Variants in PTPRG observed in about 807,000 individuals in gnomAD.
PTPRG encodes the protein protein tyrosine phosphatase receptor type G, also known as receptor-type tyrosine-protein phosphatase gamma.
PTPRG carries 102 observed loss-of-function variants against 165.3 expected under a neutral mutation model. The observed-to-expected ratio is 0.62, with a 90% CI of 0.53 to 0.73. The LOEUF is 0.73. Ranked by LOEUF, PTPRG falls within the 30% of genes least tolerant of loss-of-function variation. PTPRG has a pLI of 0.00. For missense variants in PTPRG, 1,866 were observed against 1,861.4 expected (o/e 1.00, Z -0.05); for synonymous variants, 675 against 669.5 (o/e 1.01, Z -0.13).
intron 1 of PTPRG, among the ~76,000 whole-genome samples, chr3:61,702,304 T>C (rs1446213616): frequency 6.6e-6 from 1 of 152,200 alleles, no homozygotes; most frequent in Non-Finnish European, 1.5e-5. Context: ...TGTGCTTTGA[T>C]GCATCCTGCT....
chr3:61,798,292 T>C (rs1046130587), intron 2 of PTPRG, among the ~76,000 whole-genome samples: 2 of 152,140 alleles, frequency 1.3e-5, no homozygotes, highest in African/African-American at 4.8e-5. Flanking sequence ...CAACTCAGCA[T>C]GTTAGGATCC....
At chr3:61,855,405 C>A (rs1266653840) in intron 2 of PTPRG, among the ~76,000 whole-genome samples, 1 of 152,144 alleles carries the variant, frequency 6.6e-6, no homozygotes, top group Non-Finnish European at 1.5e-5. Context: ...AAGATGTTCT[C>A]ATACCCCTTC....
intron 4 of PTPRG, among the ~76,000 whole-genome samples, chr3:62,018,462 A>G (rs532717217): frequency 6.6e-6 from 1 of 152,232 alleles, no homozygotes; most frequent in South Asian, 2.1e-4. Context: ...CAAATAATAG[A>G]TGATTTGTAG....
At chr3:61,752,420 G>T (rs1033813762) in intron 2 of PTPRG, among the ~76,000 whole-genome samples, 2 of 152,078 alleles carry the variant, frequency 1.3e-5, no homozygotes, top group Non-Finnish European at 2.9e-5. Context: ...CAGTAATGTT[G>T]AATATCTAGT....
intron 2 of PTPRG, among the ~76,000 whole-genome samples, chr3:61,940,499 C>G (rs2039594327): frequency 6.6e-6 from 1 of 152,030 alleles, no homozygotes; most frequent in African/African-American, 2.4e-5. Context: ...ACTGATTCCT[C>G]CTTTCTGCCC....
Position 62,217,227 on chromosome 3 carries a change from A to C in PTPRG, c.2156-1624A>C, listed in dbSNP as rs1239728508. Among the ~76,000 whole-genome samples the C allele has an allele frequency of 6.6e-6, 1 of 152,130 alleles. No homozygotes were observed. Among genetic ancestry groups the C allele is most frequent in the East Asian group, 1.9e-4 (1 of 5,190 alleles). ...GGCACAGCTAGGAAGGCACTTTATA[A>C]ATGGCAAAGTGCTCTGTGGAGGTTT... On this transcript the variant is annotated intron_variant, in intron 12 of 29. Transcript: ENST00000474889. This position sits in a 1 kb window ranked among gnomAD's most constrained non-coding sequence, Gnocchi z 4.3.
intron 2 of PTPRG, among the ~76,000 whole-genome samples, chr3:61,879,536 C>T (rs562439096): frequency 6.6e-6 from 1 of 152,200 alleles, no homozygotes; most frequent in East Asian, 1.9e-4. Context: ...AATCCAAAAA[C>T]TGAATTTTAT....
intron 2 of PTPRG, among the ~76,000 whole-genome samples, chr3:61,765,865 C>T (rs901611176): frequency 1.3e-5 from 2 of 152,126 alleles, no homozygotes; most frequent in Non-Finnish European, 2.9e-5. Flanking sequence ...CTGAATTTTC[C>T]ACAGAGCAGA....
At chr3:62,292,758 C>A (rs573885068) in intron 29 of PTPRG, 235 of 580,610 alleles carry the variant, frequency 4.0e-4, no homozygotes, top group Non-Finnish European at 5.9e-4. Flanking sequence ...GCAAACTACA[C>A]AGCACAAGAC....
chr3:61,743,223 A>T, intron 1 of PTPRG: 1 of 688,026 alleles, frequency 1.5e-6, no homozygotes, highest in Admixed American at 2.1e-5. Context: ...GACAGAGTTT[A>T]TGGAAACTCC....
chr3:61,845,654 C>A (rs147604184), intron 2 of PTPRG, among the ~76,000 whole-genome samples: 1 of 152,186 alleles, frequency 6.6e-6, no homozygotes, highest in Admixed American at 6.5e-5. Context: ...AAAGGAAGCT[C>A]TCTTTGGTTC....
intron 17 of PTPRG, among the ~76,000 whole-genome samples, chr3:62,264,599 A>G (rs766483590): frequency 3.3e-5 from 5 of 152,148 alleles, no homozygotes; most frequent in Non-Finnish European, 7.4e-5. Context: ...TTCAACACTC[A>G]TCCATGTTGT....
intron 2 of PTPRG, among the ~76,000 whole-genome samples, chr3:61,839,698 G>C (rs2036566997): frequency 1.3e-5 from 2 of 152,142 alleles, no homozygotes; most frequent in Admixed American, 6.5e-5. Context: ...TCCATATAGA[G>C]AATTTGGAAA....
At chr3:61,661,974 G>A (rs1004388497) in intron 1 of PTPRG, among the ~76,000 whole-genome samples, 12 of 151,914 alleles carry the variant, frequency 7.9e-5, no homozygotes, top group African/African-American at 1.5e-4. Flanking sequence ...ATTTATACAT[G>A]TTGGTGTAGC....
intron 3 of PTPRG, among the ~76,000 whole-genome samples, chr3:61,995,685 T>TTCCG (rs2041020643): frequency 5.2e-5 from 1 of 19,248 alleles, no homozygotes. Flanking sequence ...CCCGCCCGCC[T>TTCCG]TCCTTCCTTC....
intron 2 of PTPRG, among the ~76,000 whole-genome samples, chr3:61,759,581 C>A (rs1409488741): frequency 1.3e-5 from 2 of 152,088 alleles, no homozygotes; most frequent in African/African-American, 4.8e-5. Context: ...CGCCTGAACC[C>A]AGTCAAGGCT....
intron 1 of PTPRG, among the ~76,000 whole-genome samples, chr3:61,601,009 C>T (rs534072024): frequency 2.6e-5 from 4 of 152,236 alleles, no homozygotes; most frequent in African/African-American, 9.6e-5. Context: ...GACCCCAGCA[C>T]TCTGGGAGGT....
At chr3:62,153,136 C>A (rs1273105526) in intron 6 of PTPRG, among the ~76,000 whole-genome samples, 1 of 152,182 alleles carries the variant, frequency 6.6e-6, no homozygotes, top group African/African-American at 2.4e-5. Flanking sequence ...CACCTCTTGG[C>A]CTGCAAAGCC....
intron 4 of PTPRG, among the ~76,000 whole-genome samples, chr3:62,015,376 G>A (rs928948320): frequency 1.3e-5 from 2 of 152,184 alleles, no homozygotes; most frequent in African/African-American, 2.4e-5. Flanking sequence ...GATGGTGTGA[G>A]GTCTTGGAGA....
Sources: gnomAD v4.1 joint callset for allele counts (sites outside exome capture counted in the v4.1 genomes callset) on GRCh38, gnomAD v4.1.1 for gene constraint, Gnocchi (gnomAD v3.1) non-coding constraint, MANE v1.5 for transcripts, NCBI Gene and HGNC (gene_info 2026-07-23, HGNC 2026-07-21) for gene names.